CDC42BPA: variants seen among roughly 807,000 people sequenced by gnomAD.
CDC42BPA encodes serine/threonine-protein kinase MRCK alpha.
Under a neutral mutation model 223.5 loss-of-function variants are expected in CDC42BPA, and 80 were observed. That is an observed-to-expected ratio of 0.36 (90% CI 0.30 to 0.43). CDC42BPA has a LOEUF of 0.43. CDC42BPA is among the 20% of genes least tolerant of loss of function. CDC42BPA has a pLI of 1.00. For missense variants in CDC42BPA, 1,743 were observed against 2,099.9 expected (o/e 0.83, Z 3.32); for synonymous variants, 694 against 718.6 (o/e 0.97, Z 0.55).
intron 1 of CDC42BPA, among the ~76,000 whole-genome samples, chr1:227,286,830 G>A (rs1688885069): frequency 6.6e-6 from 1 of 152,182 alleles, no homozygotes; most frequent in Non-Finnish European, 1.5e-5. Flanking sequence ...CATAGTATTA[G>A]GTTGATGCAA....
At chr1:227,085,049 T>C (rs1170833844) in intron 16 of CDC42BPA, among the ~76,000 whole-genome samples, 1 of 152,186 alleles carries the variant, frequency 6.6e-6, no homozygotes. Flanking sequence ...TTGCCAAGCT[T>C]TGGGACTGGA....
rs36157906 is a variant in CDC42BPA at position 227,162,868 on chromosome 1, A to ATGTGTGTGTGTGTGTGTG, written c.600-2250_600-2233dup. Among the ~76,000 whole-genome samples the ATGTGTGTGTGTGTGTGTG allele has an allele frequency of 4.1e-3, 615 of 149,452 alleles. 5 individuals carry two copies. The highest frequency in any genetic ancestry group is 0.019 in the South Asian group (88 of 4,690). On this transcript the variant is annotated intron_variant, in intron 5 of 36. Transcript: ENST00000366766. ...AAAAAATAAAATAAAATAAATATAT[A>ATGTGTGTGTGTGTGTGTG]TGTGTGTGTGTGTGTGTGTTTCCAA...
At chr1:227,263,553 T>A (rs1327130133) in intron 1 of CDC42BPA, among the ~76,000 whole-genome samples, 1 of 151,968 alleles carries the variant, frequency 6.6e-6, no homozygotes, top group Admixed American at 6.6e-5. Context: ...AAGACAAACC[T>A]TGCTGATATC....
chr1:227,076,818 T>G (rs891863913), intron 17 of CDC42BPA, among the ~76,000 whole-genome samples: 1 of 152,180 alleles, frequency 6.6e-6, no homozygotes, highest in Non-Finnish European at 1.5e-5. Context: ...CCTGTCCTCC[T>G]CACTGACAAA....
intron 2 of CDC42BPA, among the ~76,000 whole-genome samples, chr1:227,215,390 T>A (rs1401613845): frequency 6.6e-6 from 1 of 152,202 alleles, no homozygotes; most frequent in Non-Finnish European, 1.5e-5. Flanking sequence ...TACTTCAGTG[T>A]CCTTGTCATG....
intron 1 of CDC42BPA, among the ~76,000 whole-genome samples, chr1:227,314,105 A>G (rs1235549052): frequency 6.6e-6 from 1 of 152,160 alleles, no homozygotes; most frequent in Non-Finnish European, 1.5e-5. Context: ...ATACTAATTC[A>G]GTCATTACTA....
chr1:227,135,313 C>A (rs1356253220), intron 10 of CDC42BPA, among the ~76,000 whole-genome samples: 1 of 152,112 alleles, frequency 6.6e-6, no homozygotes, highest in Non-Finnish European at 1.5e-5. Context: ...AAAAGTCAGA[C>A]AGAAATCTCC....
intron 24 of CDC42BPA, among the ~76,000 whole-genome samples, chr1:227,038,173 G>A (rs1670655852): frequency 9.1e-6 from 1 of 109,748 alleles, no homozygotes; most frequent in African/African-American, 4.2e-5. Flanking sequence ...TAGTGATTAA[G>A]TCTCGTGAAA....
rs1343659590 is a variant in CDC42BPA at position 227,284,180 on chromosome 1, T to C, written c.179-30025A>G. Among the ~76,000 whole-genome samples the C allele has an allele frequency of 2.0e-5, 3 of 152,186 alleles. No homozygotes were observed. The South Asian group carries it at 6.2e-4, about 32-fold the overall frequency. ...ACATCAAATGTCATGATGGTATGGTTTGATGAGTATTAAATAGGATATTTT... is the reference window on the plus strand; with the variant it reads ...ACATCAAATGTCATGATGGTATGGTCTGATGAGTATTAAATAGGATATTTT... On this transcript the variant is annotated intron_variant, in intron 1 of 36. Coordinates refer to ENST00000366766, the MANE Select transcript of CDC42BPA (RefSeq NM_001394014.1).
chr1:227,243,088 C>G (rs1018608893), intron 2 of CDC42BPA, among the ~76,000 whole-genome samples: 1 of 152,064 alleles, frequency 6.6e-6, no homozygotes, highest in Non-Finnish European at 1.5e-5. Context: ...AACCAAATAC[C>G]CCATGTTCTC....
At chr1:227,001,941 C>A (rs11578103) in intron 35 of CDC42BPA, among the ~76,000 whole-genome samples, 57,301 of 151,690 alleles carry the variant, frequency 0.38, 11,476 homozygotes, top group Non-Finnish European at 0.46. Flanking sequence ...AAAACAAAAA[C>A]GCAAAACCAA....
rs1441759754 is a variant in CDC42BPA at position 227,072,310 on chromosome 1, G to A, written c.2736-11C>T. ...GAATCTTTTAGTTTACTTAAATAAG[G>A]AGAAAAAAGGAAAAATGTCATTAAT... On this transcript the variant is annotated splice_polypyrimidine_tract_variant and intron_variant, in intron 19 of 36. Transcript: ENST00000366766. 3 of 1,467,130 alleles carry A rather than the reference G, an allele frequency of 2.0e-6. No individual in the cohort carries two copies. The highest frequency in any genetic ancestry group is 1.4e-5 in the African/African-American group (1 of 71,218). 90.9% of individuals were successfully genotyped at this position (1,467,130 alleles called of 1,614,324 possible). A position where few individuals can be genotyped will look rare whatever the true frequency, so the allele number is the denominator to read the frequency against.
chr1:227,239,620 A>G (rs1679678863), intron 2 of CDC42BPA, among the ~76,000 whole-genome samples: 1 of 152,104 alleles, frequency 6.6e-6, no homozygotes, highest in African/African-American at 2.4e-5. Flanking sequence ...AAAGTAATCC[A>G]CTATGTCAAC....
At chr1:227,221,533 A>G (rs983150903) in intron 2 of CDC42BPA, among the ~76,000 whole-genome samples, 5 of 67,984 alleles carry the variant, frequency 7.4e-5, no homozygotes, top group Non-Finnish European at 1.2e-4. Context: ...TGTTTCTCCC[A>G]CCCACCCTCC....
intron 16 of CDC42BPA, among the ~76,000 whole-genome samples, chr1:227,091,359 T>C (rs1260283949): frequency 6.6e-6 from 1 of 152,110 alleles, no homozygotes; most frequent in Non-Finnish European, 1.5e-5. Context: ...ATGAATGGTT[T>C]AGCATCATCC....
At chr1:227,081,150 C>A in intron 16 of CDC42BPA, 133 bp from the exon 17 acceptor site, 1 of 811,434 alleles carries the variant, frequency 1.2e-6, no homozygotes, top group Non-Finnish European at 1.9e-6. Flanking sequence ...ATCCCTTTTG[C>A]TCACTGAATT....
At chr1:227,122,044 G>C (rs595111) in intron 11 of CDC42BPA, among the ~76,000 whole-genome samples, 19,644 of 151,848 alleles carry the variant, frequency 0.13, 1,346 homozygotes, top group East Asian at 0.26. Flanking sequence ...CAGGTGATCC[G>C]CCCGCCTCAG....
chr1:227,187,548 T>A (rs907683066), intron 5 of CDC42BPA, among the ~76,000 whole-genome samples: 8 of 148,744 alleles, frequency 5.4e-5, no homozygotes, highest in Admixed American at 6.7e-5. Flanking sequence ...AGGTATAAGT[T>A]ACATGTAATG....
Position 227,163,080 on chromosome 1 carries a change from GTTTCCAAACA to G in CDC42BPA, c.600-2454_600-2445del, listed in dbSNP as rs1270280319. Reference sequence around the variant, plus strand: ...TGTTTCCAAACATAAATGTGTGTATGTTTCCAAACATGTGTGTTTCCAAACATATATGTGT... The same window carrying G: ...TGTTTCCAAACATAAATGTGTGTATGTGTGTGTTTCCAAACATATATGTGT... On this transcript the variant is annotated intron_variant, in intron 5 of 36. Transcript: ENST00000366766. Among the ~76,000 whole-genome samples, 12 of 118,908 alleles carry G rather than the reference GTTTCCAAACA, an allele frequency of 1.0e-4. No homozygotes were observed. The South Asian group carries it at 2.7e-3, about 27-fold the overall frequency. The allele number at this position is 118,908 out of a possible 152,430, so 78.0% of individuals were successfully genotyped here.
Sources: gnomAD v4.1 joint callset for allele counts (sites outside exome capture counted in the v4.1 genomes callset) on GRCh38, gnomAD v4.1.1 for gene constraint, MANE v1.5 for transcripts, NCBI Gene and HGNC (gene_info 2026-07-23, HGNC 2026-07-21) for gene names.